CENPC: variants seen among roughly 807,000 people sequenced by gnomAD.
CENPC encodes the protein centromere protein C, also known as CENP-C 1.
CENPC carries 63 observed loss-of-function variants against 112.1 expected under a neutral mutation model. The observed-to-expected ratio is 0.56, with a 90% CI of 0.46 to 0.69. The LOEUF (loss-of-function observed/expected upper bound fraction) is 0.69. Among genes scored for constraint, CENPC ranks in the 30% least tolerant of loss-of-function variants. The pLI, the probability that CENPC is intolerant of heterozygous loss-of-function variation, is 0.00. For missense variants in CENPC, 1,000 were observed against 1,103.8 expected (o/e 0.91, Z 1.33); for synonymous variants, 333 against 367.6 (o/e 0.91, Z 1.08).
At chr4:67,516,666 C>T (rs921338893) in intron 7 of CENPC, among the ~76,000 whole-genome samples, 1 of 151,830 alleles carries the variant, frequency 6.6e-6, no homozygotes, top group East Asian at 1.9e-4. Flanking sequence ...AAAGTCAATA[C>T]AAATACTACA....
intron 17 of CENPC, among the ~76,000 whole-genome samples, chr4:67,475,435 T>A (rs1724777228): frequency 6.6e-6 from 1 of 152,196 alleles, no homozygotes; most frequent in Non-Finnish European, 1.5e-5. Context: ...GCCAACAGTC[T>A]GAACGAGACT....
chr4:67,545,250 G>T, intron 1 of CENPC, 88 bp downstream of exon 1: 1 of 1,306,922 alleles, frequency 7.7e-7, no homozygotes, highest in Non-Finnish European at 1.0e-6. Flanking sequence ...CACAGCCTCA[G>T]CCTAGCATTT....
At chr4:67,499,338 T>G (rs1033122194) in intron 12 of CENPC, among the ~76,000 whole-genome samples, 4 of 152,212 alleles carry the variant, frequency 2.6e-5, no homozygotes, top group African/African-American at 9.6e-5. Context: ...AAGGCTATTT[T>G]GTCTACAGGG....
At chr4:67,491,929 T>C (rs1725293999) in intron 16 of CENPC, among the ~76,000 whole-genome samples, 1 of 152,166 alleles carries the variant, frequency 6.6e-6, no homozygotes, top group Non-Finnish European at 1.5e-5. Flanking sequence ...GAGACGACAT[T>C]CCTGATTGTA....
chr4:67,496,304 A>G (rs1185442510), intron 12 of CENPC, among the ~76,000 whole-genome samples: 1 of 152,190 alleles, frequency 6.6e-6, no homozygotes, highest in African/African-American at 2.4e-5. Flanking sequence ...ATTTAACTAT[A>G]TAAATTCATG....
intron 17 of CENPC, among the ~76,000 whole-genome samples, chr4:67,489,168 T>A (rs1258291649): frequency 6.7e-6 from 1 of 149,116 alleles, no homozygotes; most frequent in Non-Finnish European, 1.5e-5. Flanking sequence ...CAAATATTTT[T>A]TATATATATA....
At chr4:67,524,664 C>A (rs1243402402) in intron 5 of CENPC, among the ~76,000 whole-genome samples, 1 of 152,164 alleles carries the variant, frequency 6.6e-6, no homozygotes, top group East Asian at 1.9e-4. Flanking sequence ...CTACTAACCA[C>A]TGCTCAAGGA....
chr4:67,498,522 C>T (rs1725502943), intron 12 of CENPC, among the ~76,000 whole-genome samples: 1 of 152,178 alleles, frequency 6.6e-6, no homozygotes, highest in South Asian at 2.1e-4. Flanking sequence ...ATGGAATATC[C>T]TAAATCCTTT....
Position 67,514,073 on chromosome 4 carries a change from C to T in CENPC, c.1444+1G>A. 1 of 1,583,410 alleles carries T rather than the reference C, an allele frequency of 6.3e-7. No homozygotes were observed. Among genetic ancestry groups the T allele is most frequent in the Non-Finnish European group, 8.6e-7 (1 of 1,169,436 alleles). The stretch of plus-strand genomic sequence containing the variant: ...TGGTTATATTTAATATAAACACTTA[C>T]CCACAGGTGGCATCTGTTTTTTGGA... On this transcript the variant is annotated splice_donor_variant, in intron 8 of 18. Transcript: ENST00000273853. LOFTEE classifies it high-confidence loss of function.
chr4:67,539,713 T>C, intron 4 of CENPC, 127 bp downstream of exon 4: 1 of 486,756 alleles, frequency 2.1e-6, no homozygotes. Context: ...TTATAGAAAG[T>C]CAATGGGAAT....
chr4:67,493,774 TGG>T, intron 14 of CENPC, 108 bp downstream of exon 14: 1 of 613,348 alleles, frequency 1.6e-6, no homozygotes, highest in Non-Finnish European at 2.8e-6. Context: ...TATCAAAATT[TGG>T]GGGGGTGATG....
intron 18 of CENPC, among the ~76,000 whole-genome samples, chr4:67,472,934 G>A (rs1260269758): frequency 6.6e-6 from 1 of 152,154 alleles, no homozygotes; most frequent in African/African-American, 2.4e-5. Context: ...AGTCGAGAGT[G>A]TAAGAAAAGA....
At chr4:67,539,955 T>A in intron 3 of CENPC, 21 bp from the exon 4 acceptor site, 1 of 1,349,724 alleles carries the variant, frequency 7.4e-7, no homozygotes, top group East Asian at 2.6e-5. Flanking sequence ...AGTATGAAAT[T>A]TTCAAAAACA....
In CENPC at chr4:67,518,837, C is replaced by A. The variant is rs568243004; in HGVS notation, c.617+380G>T. 5.9e-5 allele frequency among the ~76,000 whole-genome samples: 9 copies of A among 152,326 alleles called. No individual in the cohort carries two copies. In the East Asian group the frequency reaches 1.7e-3, roughly 29 times the overall value. On this transcript the variant is annotated intron_variant, in intron 6 of 18. Coordinates refer to ENST00000273853, the MANE Select transcript of CENPC (RefSeq NM_001812.4). ...GGTAAGGTCAAGAAAGAGAAACCAGCTGTCCACAAAGCATAGCATCCTCAA... is the reference window on the plus strand; with the variant it reads ...GGTAAGGTCAAGAAAGAGAAACCAGATGTCCACAAAGCATAGCATCCTCAA...
intron 17 of CENPC, among the ~76,000 whole-genome samples, chr4:67,475,965 A>G (rs1724794036): frequency 6.6e-6 from 1 of 152,202 alleles, no homozygotes; most frequent in Non-Finnish European, 1.5e-5. Context: ...CAAACTGCCT[A>G]CATGATAGTG....
In CENPC at chr4:67,492,950, T is replaced by C. The variant is rs1433186010; in HGVS notation, c.2338A>G (p.Lys780Glu). 12 of 1,556,644 alleles carry C rather than the reference T, an allele frequency of 7.7e-6. No homozygotes were observed. The highest frequency in any genetic ancestry group is 1.0e-5 in the Non-Finnish European group (12 of 1,149,792). The change falls in exon 15 of 19, where the codon AAA (lysine) becomes GAA (glutamate). Residue 780 changes from lysine to glutamate, a missense_variant. Transcript: ENST00000273853. ...CCAATATTTTCTTTTGCCTTCCTTT[T>C]AGACGATATTGTGTCTGGAGATAGT... ...GVLSPDTISSKRKAKENIGKV... is the reference protein window; with the variant it reads ...GVLSPDTISSERKAKENIGKV...
chr4:67,544,137 T>TACG lies in CENPC; in HGVS notation c.65+9_65+11dup, dbSNP rs748992324. 1 of 1,400,242 alleles carries TACG rather than the reference T, an allele frequency of 7.1e-7. No homozygotes were observed. Among genetic ancestry groups the TACG allele is most frequent in the South Asian group, 1.2e-5 (1 of 85,358 alleles). 86.7% of individuals were successfully genotyped at this position (1,400,242 alleles called of 1,614,324 possible). On this transcript the variant is annotated intron_variant, in intron 2 of 18. Transcript: ENST00000273853. The stretch of plus-strand genomic sequence containing the variant: ...ATAAAAATAATCTTAAAAGCTTAAG[T>TACG]ACGTAAATCACCTGGAAGGTCGACA...
intron 5 of CENPC, among the ~76,000 whole-genome samples, chr4:67,526,456 T>C (rs1726383853): frequency 6.6e-6 from 1 of 151,710 alleles, no homozygotes; most frequent in Non-Finnish European, 1.5e-5. Flanking sequence ...ACTACCAAAA[T>C]TCAGTCACAA....
chr4:67,478,666 A>ACACACACACACCCACC (rs146500743), intron 17 of CENPC, among the ~76,000 whole-genome samples: 1 of 76,526 alleles, frequency 1.3e-5, no homozygotes. Flanking sequence ...ACACACACAC[A>ACACACACACACCCACC]CCCAAAGTAT....
Sources: allele counts gnomAD v4.1 joint callset (sites outside exome capture counted in the v4.1 genomes callset), GRCh38; gene constraint gnomAD v4.1.1; transcripts MANE v1.5; gene names NCBI Gene and HGNC (gene_info 2026-07-23, HGNC 2026-07-21).